UBR4: variants seen among roughly 807,000 people sequenced by gnomAD.
UBR4 encodes the protein E3 ubiquitin-protein ligase UBR4.
Under a neutral mutation model 575.6 loss-of-function variants are expected in UBR4, and 124 were observed. The observed-to-expected ratio is 0.22, with a 90% CI of 0.19 to 0.25. The LOEUF is 0.25. Ranked by LOEUF, UBR4 falls within the 10% of genes least tolerant of loss-of-function variation. The pLI is 1.00. For synonymous variants in UBR4, 2,455 were observed against 2,473.7 expected, an observed-to-expected ratio of 0.99 and a Z score of 0.22; for missense variants, 4,818 against 6,478.8, an observed-to-expected ratio of 0.74 and a Z score of 8.80.
intron 18 of UBR4, among the ~76,000 whole-genome samples, chr1:19,178,308 T>C (rs750958312): frequency 2.8e-4 from 43 of 152,346 alleles, no homozygotes; most frequent in Admixed American, 7.8e-4. Flanking sequence ...AAAAAAGGAA[T>C]GAATGTAGCC....
rs111951172 is a variant in UBR4, at chr1:19,170,270, G to A, written c.3643+492C>T. Among the ~76,000 whole-genome samples the A allele has an allele frequency of 3.9e-4, 59 of 152,336 alleles. 1 individual carries two copies. The South Asian group carries it at 7.5e-3, about 19-fold the overall frequency. On this transcript the variant is annotated intron_variant, in intron 26 of 105. Coordinates refer to ENST00000375254, the MANE Select transcript of UBR4 (RefSeq NM_020765.3). Reference sequence around the variant, plus strand: ...AAAAATTATACGGGTATGGTATTATGTGCCTGGGATCCCAGCTACTTGGGA... The same window carrying A: ...AAAAATTATACGGGTATGGTATTATATGCCTGGGATCCCAGCTACTTGGGA...
At chr1:19,155,705 A>C (rs757594037) in intron 42 of UBR4, 37 bp from the exon 43 acceptor site, 24 of 1,561,392 alleles carry the variant, frequency 1.5e-5, no homozygotes, top group Middle Eastern at 1.7e-4. Flanking sequence ...AGGGAAATCT[A>C]TCTCAGTCCC....
intron 39 of UBR4, among the ~76,000 whole-genome samples, chr1:19,158,514 G>C (rs2086774693): frequency 6.6e-6 from 1 of 152,080 alleles, no homozygotes; most frequent in Admixed American, 6.5e-5. Flanking sequence ...GGTGAGTGCA[G>C]TGATGTGATA....
At chr1:19,123,556 GAGAA>G (rs1316232909) in intron 65 of UBR4, among the ~76,000 whole-genome samples, 1 of 151,972 alleles carries the variant, frequency 6.6e-6, no homozygotes, top group African/African-American at 2.4e-5. Flanking sequence ...ATGAGACCAG[GAGAA>G]AGAAAGGGAG....
At chr1:19,179,803 AAC>A (rs938107947) in intron 17 of UBR4, among the ~76,000 whole-genome samples, 5 of 151,258 alleles carry the variant, frequency 3.3e-5, no homozygotes, top group Admixed American at 6.6e-5. Flanking sequence ...TATCTTCTCA[AAC>A]ACACACACAC....
chr1:19,198,563 T>C lies in UBR4; in HGVS notation c.626A>G (p.Gln209Arg). The change falls in exon 5 of 106, where the codon CAA (glutamine) becomes CGA (arginine). Residue 209 changes from glutamine (Q) to arginine (R), a missense_variant. Around this residue, in one of 29 missense-constraint regions of UBR4, gnomAD observed 83 missense variants for 77.3 expected, o/e 1.07. Coordinates refer to ENST00000375254, the MANE Select transcript of UBR4 (RefSeq NM_020765.3). The stretch of plus-strand genomic sequence containing the variant: ...CACCAGAGTCTGTGTACTGATAGGT[T>C]GTGATGCTACAGTTCTAGGGTTAAA... ...SVFNPRTVAS[Q>R]PISTQTLVEG... The C allele has an allele frequency of 6.2e-7, 1 of 1,614,176 alleles. No individual in the cohort carries two copies. Among genetic ancestry groups the C allele is most frequent in the Non-Finnish European group, 8.5e-7 (1 of 1,180,026 alleles).
rs993735226 is a variant in UBR4, at chr1:19,157,726, G to A, written c.5760+89C>T. On this transcript the variant is annotated intron_variant, in intron 40 of 105. Coordinates refer to ENST00000375254, the MANE Select transcript of UBR4 (RefSeq NM_020765.3). This position sits in a 1 kb window ranked among gnomAD's most constrained non-coding sequence, Gnocchi z 4.4. ...ACGCAGTGGACTTTTTCCCACAGAGGGCTAATCCGAATGTGGTCATCAATT... is the reference window on the plus strand; with the variant it reads ...ACGCAGTGGACTTTTTCCCACAGAGAGCTAATCCGAATGTGGTCATCAATT... 6.0e-6 allele frequency: 9 copies of A among 1,507,274 alleles called. No individual in the cohort carries two copies. Among genetic ancestry groups the A allele is most frequent in the Middle Eastern group, 4.5e-4 (2 of 4,476 alleles). The allele number at this position is 1,507,274 out of a possible 1,614,324, so 93.4% of individuals were successfully genotyped here. A position where few individuals can be genotyped will look rare whatever the true frequency, so the allele number is the denominator to read the frequency against.
In UBR4 at chr1:19,197,682, G is replaced by A. The variant is rs1414431917; in HGVS notation, c.881C>T (p.Ala294Val). The change falls in exon 7 of 106, where the codon GCT becomes GTT. Residue 294 changes from alanine to valine, a missense_variant. This residue lies in a region of UBR4 where 131 missense variants were observed against 214.5 expected (regional missense o/e 0.61). Transcript: ENST00000375254. Reference sequence around the variant, plus strand: ...TGAAGCACCTTACCCATTACGAACAGCAGTGGCATCTGCTACTGTTGCAGG... The same window carrying A: ...TGAAGCACCTTACCCATTACGAACAACAGTGGCATCTGCTACTGTTGCAGG... ...IMPATVADATAVRNGFHSLVI... is the reference protein window; with the variant it reads ...IMPATVADATVVRNGFHSLVI... The A allele has an allele frequency of 6.2e-7, 1 of 1,614,130 alleles. No homozygotes were observed. Among genetic ancestry groups the A allele is most frequent in the Non-Finnish European group, 8.5e-7 (1 of 1,180,040 alleles).
At chr1:19,171,802 A>G (rs10799717) in intron 25 of UBR4, among the ~76,000 whole-genome samples, 72,847 of 151,954 alleles carry the variant, frequency 0.48, 18,047 homozygotes, top group East Asian at 0.8. Flanking sequence ...ATGAGATCGC[A>G]CCACTGCACT....
chr1:19,209,578 G>A (rs1280519173), intron 1 of UBR4, among the ~76,000 whole-genome samples: 1 of 152,228 alleles, frequency 6.6e-6, no homozygotes, highest in Non-Finnish European at 1.5e-5. Flanking sequence ...TGCACAAGGA[G>A]TGCAACGTAA....
At chr1:19,193,364 A>G (rs2092247933) in intron 9 of UBR4, 69 bp downstream of exon 9, 1 of 1,571,754 alleles carries the variant, frequency 6.4e-7, no homozygotes, top group Admixed American at 1.8e-5. Context: ...ATCATGGAAG[A>G]AAGTGGAACT....
chr1:19,186,764 G>T, intron 13 of UBR4, 107 bp from the exon 14 acceptor site: 1 of 990,606 alleles, frequency 1.0e-6, no homozygotes, highest in Non-Finnish European at 1.5e-6. Context: ...CCAAGAGTAT[G>T]CCTCTTAATA....
chr1:19,159,418 A>C (rs546503706), intron 39 of UBR4, among the ~76,000 whole-genome samples: 24 of 152,332 alleles, frequency 1.6e-4, no homozygotes, highest in African/African-American at 5.3e-4. Context: ...TTATTTTGTA[A>C]GTTAGATGAA....
In UBR4 at chr1:19,106,832, T is replaced by C. The variant is rs1339335832; in HGVS notation, c.12235+5A>G. The stretch of plus-strand genomic sequence containing the variant: ...CTTCCCGGCGTCTTGAAGAGAAAGA[T>C]ATACCTCTGATAGGAAGACACTTCT... On this transcript the variant is annotated splice_donor_5th_base_variant and intron_variant, in intron 82 of 105. Coordinates refer to ENST00000375254, the MANE Select transcript of UBR4 (RefSeq NM_020765.3). 1 of 1,613,466 alleles carries C rather than the reference T, an allele frequency of 6.2e-7. No homozygotes were observed. Among genetic ancestry groups the C allele is most frequent in the East Asian group, 2.2e-5 (1 of 44,854 alleles).
At chr1:19,184,957 C>G in intron 15 of UBR4, 142 bp downstream of exon 15, 2 of 958,206 alleles carry the variant, frequency 2.1e-6, no homozygotes, top group Non-Finnish European at 1.6e-6. Context: ...GACACATAAT[C>G]AAGACATATA....
At chr1:19,078,772 T>A (rs920316676) in intron 103 of UBR4, 1 of 152,238 alleles carries the variant, frequency 6.6e-6, no homozygotes, top group Non-Finnish European at 1.5e-5. Context: ...TTCCTTGGAA[T>A]ATGGGGAGCG....
chr1:19,145,005 A>G, intron 53 of UBR4, 98 bp from the exon 54 acceptor site: 1 of 1,424,134 alleles, frequency 7.0e-7, no homozygotes, highest in Non-Finnish European at 9.7e-7. Context: ...TCCATGTAAA[A>G]GGTCATGCAA....
At chr1:19,148,850 G>A (rs769093520) in intron 49 of UBR4, among the ~76,000 whole-genome samples, 3 of 152,182 alleles carry the variant, frequency 2.0e-5, no homozygotes, top group Admixed American at 6.5e-5. Context: ...GGCCATGTTC[G>A]TAATCCGTAA....
intron 54 of UBR4, 23 bp downstream of exon 54, chr1:19,144,763 T>G: frequency 6.2e-7 from 1 of 1,603,708 alleles, no homozygotes; most frequent in Non-Finnish European, 8.5e-7. Flanking sequence ...CTGCGAGCTC[T>G]CTGGGATTGT....
Sources: gnomAD v4.1 joint callset for allele counts (sites outside exome capture counted in the v4.1 genomes callset) on GRCh38, gnomAD v4.1.1 for gene constraint, gnomAD v4.1.1 regional missense constraint, Gnocchi (gnomAD v3.1) non-coding constraint, MANE v1.5 for transcripts, NCBI Gene and HGNC (gene_info 2026-07-23, HGNC 2026-07-21) for gene names.